The following SPIDR variants were observed in gnomAD, a reference collection of about 807,000 sequenced individuals.
The protein encoded by SPIDR is DNA repair-scaffolding protein.
A neutral mutation model predicts 104.6 loss-of-function variants in SPIDR; 93 were observed. The observed-to-expected ratio is 0.89, with a 90% CI of 0.75 to 1.06. The LOEUF (loss-of-function observed/expected upper bound fraction) is 1.06. SPIDR is among the 50% of genes least tolerant of loss of function. SPIDR has a pLI of 0.00. For missense variants in SPIDR, 1,154 were observed against 1,111.2 expected, an observed-to-expected ratio of 1.04 and a Z score of -0.55; for synonymous variants, 431 against 416.9, an observed-to-expected ratio of 1.03 and a Z score of -0.41.
chr8:47,626,062 AG>A (rs1368884964), intron 10 of SPIDR, among the ~76,000 whole-genome samples: 1 of 152,192 alleles, frequency 6.6e-6, no homozygotes, highest in Non-Finnish European at 1.5e-5. Flanking sequence ...GGAACAGAAC[AG>A]AGCCCTCAGA....
intron 2 of SPIDR, among the ~76,000 whole-genome samples, chr8:47,283,615 A>G (rs1196501931): frequency 2.0e-5 from 3 of 152,236 alleles, no homozygotes; most frequent in African/African-American, 2.4e-5. Flanking sequence ...ATGAAGCACA[A>G]TAAAACAAGG....
At chr8:47,359,975 G>A (rs2055416099) in intron 5 of SPIDR, among the ~76,000 whole-genome samples, 1 of 152,122 alleles carries the variant, frequency 6.6e-6, no homozygotes, top group Admixed American at 6.5e-5. Context: ...GGGTGCAGTG[G>A]CTCACGCCTG....
At chr8:47,653,195 G>A (rs1047779778) in intron 10 of SPIDR, among the ~76,000 whole-genome samples, 5 of 152,162 alleles carry the variant, frequency 3.3e-5, no homozygotes, top group African/African-American at 7.2e-5. Context: ...TCTTGCGTGG[G>A]CCAACATGCC....
At chr8:47,553,235 G>T (rs1413805086) in intron 8 of SPIDR, among the ~76,000 whole-genome samples, 2 of 152,070 alleles carry the variant, frequency 1.3e-5, no homozygotes, top group Non-Finnish European at 2.9e-5. Context: ...TGACAATTAT[G>T]TGTCTTGGGG....
chr8:47,313,785 C>T (rs1001150994), intron 5 of SPIDR, among the ~76,000 whole-genome samples: 2 of 152,238 alleles, frequency 1.3e-5, no homozygotes, highest in East Asian at 1.9e-4. Flanking sequence ...TGATCTTTGA[C>T]AGACCTGACT....
At chr8:47,607,413 A>G (rs2063093980) in intron 10 of SPIDR, among the ~76,000 whole-genome samples, 1 of 152,008 alleles carries the variant, frequency 6.6e-6, no homozygotes, top group Non-Finnish European at 1.5e-5. Context: ...GGCAGTCCTT[A>G]TGATATCCAA....
intron 8 of SPIDR, among the ~76,000 whole-genome samples, chr8:47,469,439 G>A (rs1219886751): frequency 2.0e-5 from 3 of 152,020 alleles, no homozygotes; most frequent in Non-Finnish European, 2.9e-5. Context: ...TTGCAGCATT[G>A]TTGACAATAG....
intron 11 of SPIDR, among the ~76,000 whole-genome samples, chr8:47,680,658 C>T (rs1269409220): frequency 2.0e-5 from 3 of 152,210 alleles, no homozygotes; most frequent in Non-Finnish European, 4.4e-5. Flanking sequence ...ACACACTTCC[C>T]TTGGGGTTTG....
At chr8:47,329,109 C>T (rs753697253) in intron 5 of SPIDR, among the ~76,000 whole-genome samples, 8 of 149,278 alleles carry the variant, frequency 5.4e-5, no homozygotes, top group Admixed American at 4.0e-4. Flanking sequence ...CTCACTCTGT[C>T]GCCCAGGCTG....
At position 47,735,399 on chromosome 8, in the gene SPIDR, A is replaced by T. The variant is rs770955298; in HGVS notation, c.2697A>T (p.Gly899=). 4.3e-6 allele frequency: 7 copies of T among 1,614,090 alleles called. No homozygotes were observed. The Admixed American group carries it at 1.2e-4, about 27-fold the overall frequency. Reference sequence around the variant, plus strand: ...CCGCCCACCCGACCAGCTGCATTGGATTGGAGGAAATCGAGCTTCTGAGTG... The same window carrying T: ...CCGCCCACCCGACCAGCTGCATTGGTTTGGAGGAAATCGAGCTTCTGAGTG... ...SVTAHPTSCI[G]LEEIELLSAG... The change falls in exon 20 of 20, where the codon GGA becomes GGT. Residue 899 remains glycine (G), a synonymous_variant. Coordinates refer to ENST00000297423, the MANE Select transcript of SPIDR (RefSeq NM_001080394.4).
intron 10 of SPIDR, among the ~76,000 whole-genome samples, chr8:47,649,506 G>A (rs1226557139): frequency 2.0e-5 from 3 of 152,134 alleles, no homozygotes; most frequent in African/African-American, 7.2e-5. Flanking sequence ...GCCCGATTCT[G>A]AACTATCTCC....
chr8:47,471,438 A>G (rs1307489255), intron 8 of SPIDR, among the ~76,000 whole-genome samples: 1 of 152,178 alleles, frequency 6.6e-6, no homozygotes, highest in Non-Finnish European at 1.5e-5. Context: ...ACTCCACATC[A>G]TTAGTCTTTA....
chr8:47,293,975 C>T lies in SPIDR; in HGVS notation c.470C>T (p.Ser157Phe). Residue 157 changes from serine (S) to phenylalanine (F), a missense_variant, in exon 5 of 20, where the codon TCT (serine) becomes TTT (phenylalanine). Physicochemically the swap from Ser to Phe is radical, Grantham distance 155 (BLOSUM62 -2). Transcript: ENST00000297423. ...GCTGTGGAAATCTCAGACTGTGCTTCTTGTGCAAGTAATCAGTCTTTGACA... is the reference window on the plus strand; with the variant it reads ...GCTGTGGAAATCTCAGACTGTGCTTTTTGTGCAAGTAATCAGTCTTTGACA... Reference protein sequence around the residue: ...EGAVEISDCASCASNQSLTSD... With the variant: ...EGAVEISDCAFCASNQSLTSD... The T allele has an allele frequency of 6.2e-7, 1 of 1,614,096 alleles. No homozygotes were observed. The highest frequency in any genetic ancestry group is 1.1e-5 in the South Asian group (1 of 91,066).
chr8:47,485,228 G>A (rs1274273085), intron 8 of SPIDR, among the ~76,000 whole-genome samples: 10 of 152,220 alleles, frequency 6.6e-5, no homozygotes, highest in East Asian at 3.9e-4. Context: ...AGGGTCCCAC[G>A]CGCACGGAGC....
chr8:47,640,499 A>G (rs770768296), intron 10 of SPIDR, among the ~76,000 whole-genome samples: 17 of 152,230 alleles, frequency 1.1e-4, no homozygotes, highest in Non-Finnish European at 2.4e-4. Flanking sequence ...AATGTAGCAT[A>G]TAAAAAGAGA....
At chr8:47,473,126 A>G (rs558344875) in intron 8 of SPIDR, among the ~76,000 whole-genome samples, 3 of 152,108 alleles carry the variant, frequency 2.0e-5, no homozygotes, top group East Asian at 3.9e-4. Context: ...CACATAACAC[A>G]CCCGTCAGGT....
chr8:47,551,737 AT>A (rs2090521791), intron 8 of SPIDR, among the ~76,000 whole-genome samples: 3 of 152,090 alleles, frequency 2.0e-5, no homozygotes, highest in East Asian at 1.9e-4. Flanking sequence ...GGATTCATTA[AT>A]TTTTTGAAGG....
intron 8 of SPIDR, among the ~76,000 whole-genome samples, chr8:47,560,715 T>C (rs1427325644): frequency 2.6e-5 from 4 of 152,200 alleles, no homozygotes; most frequent in Non-Finnish European, 5.9e-5. Context: ...AATCAGAAAA[T>C]ACTTCTTTTG....
chr8:47,695,587 A>G (rs980890472), intron 11 of SPIDR, among the ~76,000 whole-genome samples: 1 of 152,236 alleles, frequency 6.6e-6, no homozygotes, highest in Non-Finnish European at 1.5e-5. Context: ...ATGAGACAGT[A>G]TCAGATGGAA....
Sources: gnomAD v4.1 joint callset for allele counts (sites outside exome capture counted in the v4.1 genomes callset) on GRCh38, gnomAD v4.1.1 for gene constraint, MANE v1.5 for transcripts, NCBI Gene and HGNC (gene_info 2026-07-23, HGNC 2026-07-21) for gene names.